Variants in SGIP1 observed in about 807,000 individuals in gnomAD.
The protein encoded by SGIP1 is SH3-containing GRB2-like protein 3-interacting protein 1.
A neutral mutation model predicts 107.5 loss-of-function variants in SGIP1; 38 were observed. The ratio of observed to expected loss-of-function variants is 0.35; its 90% CI spans 0.27 to 0.46. The LOEUF (loss-of-function observed/expected upper bound fraction) is 0.46, where lower values mean the gene tolerates loss of function less well. Among genes scored for constraint, SGIP1 ranks in the 20% least tolerant of loss-of-function variants. The pLI, the probability that SGIP1 is intolerant of heterozygous loss-of-function variation, is 1.00. For synonymous variants in SGIP1, 365 were observed against 366.1 expected, an observed-to-expected ratio of 1.00 and a Z score of 0.03; for missense variants, 929 against 1,019.5, an observed-to-expected ratio of 0.91 and a Z score of 1.21.
chr1:66,535,964 G>A (rs958144501), intron 1 of SGIP1, among the ~76,000 whole-genome samples: 18 of 152,212 alleles, frequency 1.2e-4, no homozygotes, highest in African/African-American at 4.3e-4. Flanking sequence ...ATAGAGAATT[G>A]GATGCTCTTT....
intron 2 of SGIP1, among the ~76,000 whole-genome samples, chr1:66,629,440 A>C (rs1418052512): frequency 6.6e-6 from 1 of 152,204 alleles, no homozygotes; most frequent in Non-Finnish European, 1.5e-5. Flanking sequence ...AAAGGGGGAT[A>C]AGTAACTTTC....
intron 1 of SGIP1, among the ~76,000 whole-genome samples, chr1:66,591,021 A>T (rs965997837): frequency 1.3e-5 from 2 of 152,240 alleles, no homozygotes; most frequent in African/African-American, 4.8e-5. Flanking sequence ...TGATCAATGT[A>T]AATTTTTTAA....
intron 13 of SGIP1, 94 bp downstream of exon 13, chr1:66,677,190 T>A: frequency 1.1e-6 from 1 of 934,024 alleles, no homozygotes; most frequent in Non-Finnish European, 1.7e-6. Context: ...AAAGTCTATG[T>A]AAGCAACATT....
In SGIP1 at chr1:66,692,422, C is replaced by T. The variant is rs540179721; in HGVS notation, c.1570+2106C>T. ...GTTATGTTTATTTGGTGTCCATCTT[C>T]CTGCTGAATTCCTCACCCTCCTGCC... is the stretch of plus-strand genomic sequence containing the variant. On this transcript the variant is annotated intron_variant, in intron 17 of 24. Transcript: ENST00000371037. Among the ~76,000 whole-genome samples, 9 of 152,136 alleles carry T rather than the reference C, an allele frequency of 5.9e-5. No individual in the cohort carries two copies. In the South Asian group the frequency reaches 1.9e-3, roughly 32 times the overall value.
intron 1 of SGIP1, among the ~76,000 whole-genome samples, chr1:66,568,151 C>T (rs1020752821): frequency 6.6e-6 from 1 of 152,020 alleles, no homozygotes; most frequent in African/African-American, 2.4e-5. Flanking sequence ...GAATGTTTTT[C>T]CATTTGTTTG....
At chr1:66,708,574 T>G (rs1391535163) in intron 18 of SGIP1, among the ~76,000 whole-genome samples, 1 of 152,206 alleles carries the variant, frequency 6.6e-6, no homozygotes, top group East Asian at 1.9e-4. Context: ...AATACATGTG[T>G]TCTGACTTGG....
At chr1:66,547,047 A>G (rs2056529730) in intron 1 of SGIP1, among the ~76,000 whole-genome samples, 1 of 146,562 alleles carries the variant, frequency 6.8e-6, no homozygotes, top group Non-Finnish European at 1.5e-5. Context: ...TTATGTAAAT[A>G]TAATGTAGTA....
intron 5 of SGIP1, among the ~76,000 whole-genome samples, chr1:66,641,502 C>T (rs750456748): frequency 2.0e-5 from 3 of 152,110 alleles, no homozygotes; most frequent in Non-Finnish European, 2.9e-5. Context: ...CTTCATCTTC[C>T]TCCCCTCTAG....
intron 18 of SGIP1, among the ~76,000 whole-genome samples, chr1:66,713,241 C>A (rs2093030883): frequency 6.6e-6 from 1 of 152,090 alleles, no homozygotes; most frequent in African/African-American, 2.4e-5. Context: ...CATAAACTTA[C>A]CTTATTACCA....
rs1012797138 is a variant in SGIP1, at chr1:66,751,038, C to T, written c.*7943C>T. Among the ~76,000 whole-genome samples the T allele has an allele frequency of 2.6e-5, 4 of 152,130 alleles. No homozygotes were observed. Among genetic ancestry groups the T allele is most frequent in the Non-Finnish European group, 5.9e-5 (4 of 68,018 alleles). On this transcript the variant is annotated 3_prime_UTR_variant, in exon 25 of 25. Coordinates refer to ENST00000371037, the MANE Select transcript of SGIP1 (RefSeq NM_032291.4). ...CGTTACTGCAACTAGGGCTCCCATT[C>T]CAGAACAAAGTTTAATTCTATATGT...
chr1:66,716,609 C>A (rs1283030730), intron 18 of SGIP1, among the ~76,000 whole-genome samples: 6 of 152,036 alleles, frequency 3.9e-5, no homozygotes, highest in African/African-American at 1.4e-4. Context: ...TCCATTGTTT[C>A]AAATACTTCA....
intron 1 of SGIP1, among the ~76,000 whole-genome samples, chr1:66,618,121 A>G (rs1432716691): frequency 6.6e-6 from 1 of 152,210 alleles, no homozygotes; most frequent in Non-Finnish European, 1.5e-5. Flanking sequence ...TACTCAGTAC[A>G]TTATGTCTAT....
At chr1:66,653,079 C>T (rs528052636) in intron 7 of SGIP1, among the ~76,000 whole-genome samples, 1 of 152,162 alleles carries the variant, frequency 6.6e-6, no homozygotes, top group African/African-American at 2.4e-5. Context: ...TAGAAGCCAG[C>T]CCCCTCTAGA....
At chr1:66,684,145 C>T (rs1557616828) in intron 15 of SGIP1, 1 of 1,550,500 alleles carries the variant, frequency 6.4e-7, no homozygotes, top group Non-Finnish European at 8.7e-7. Flanking sequence ...AGTAATTTGC[C>T]CAAGTTTACA....
intron 4 of SGIP1, 62 bp downstream of exon 4, chr1:66,636,077 C>T: frequency 6.7e-7 from 1 of 1,494,328 alleles, no homozygotes; most frequent in Non-Finnish European, 9.2e-7. Flanking sequence ...GAGTAAAATC[C>T]CAATTTAAAA....
rs2147915896 is a variant in SGIP1, at chr1:66,534,299, A to G, written c.-60A>G. 4 of 1,597,560 alleles carry G rather than the reference A, an allele frequency of 2.5e-6. No homozygotes were observed. The highest frequency in any genetic ancestry group is 2.7e-5 in the African/African-American group (2 of 74,672). Reference sequence around the variant, plus strand: ...GGTGAGGACTTAGCTGGGACCTGGAATCGTATCCTCCTGTGTTTTTTCAGA... The same window carrying G: ...GGTGAGGACTTAGCTGGGACCTGGAGTCGTATCCTCCTGTGTTTTTTCAGA... On this transcript the variant is annotated 5_prime_UTR_variant, in exon 1 of 25. Transcript: ENST00000371037.
At chr1:66,679,588 A>G in intron 13 of SGIP1, 90 bp from the exon 14 acceptor site, 1 of 1,360,582 alleles carries the variant, frequency 7.3e-7, no homozygotes, top group South Asian at 1.3e-5. Context: ...CAGGAATATA[A>G]CTGAAAGCCC....
At chr1:66,679,872 T>A (rs2086280739) in intron 14 of SGIP1, 120 bp downstream of exon 14, 1 of 914,092 alleles carries the variant, frequency 1.1e-6, no homozygotes, top group Admixed American at 3.9e-5. Context: ...ATGTTGGCAT[T>A]CAGTTTTGCT....
At chr1:66,552,648 C>T (rs1323766123) in intron 1 of SGIP1, among the ~76,000 whole-genome samples, 1 of 152,114 alleles carries the variant, frequency 6.6e-6, no homozygotes, top group African/African-American at 2.4e-5. Flanking sequence ...CTTCTCTGTG[C>T]CTCTACTTTC....
Sources: gnomAD v4.1 joint callset for allele counts (sites outside exome capture counted in the v4.1 genomes callset) on GRCh38, gnomAD v4.1.1 for gene constraint, MANE v1.5 for transcripts, NCBI Gene and HGNC (gene_info 2026-07-23, HGNC 2026-07-21) for gene names.